MOCS1: variants seen among roughly 807,000 people sequenced by gnomAD.
MOCS1 encodes the protein molybdenum cofactor biosynthesis protein 1.
In MOCS1, 39 loss-of-function variants were observed where a neutral mutation model predicts 57.6. The observed-to-expected ratio is 0.68, with a 90% CI of 0.52 to 0.88. MOCS1 has a LOEUF of 0.88. Ranked by LOEUF, MOCS1 falls within the 40% of genes least tolerant of loss-of-function variation. The pLI is 0.00. For synonymous variants in MOCS1, 334 were observed against 335.7 expected (o/e 1.00, Z 0.05); for missense variants, 795 against 831.1 (o/e 0.96, Z 0.53).
intron 1 of MOCS1, 142 bp downstream of exon 1, chr6:39,934,153 A>G: frequency 8.5e-7 from 1 of 1,177,044 alleles, no homozygotes. Context: ...CCATCTGGAG[A>G]ACATCGCTCC....
At position 39,905,962 on chromosome 6, in the gene MOCS1, A is replaced by G. The variant is rs902864263; in HGVS notation, c.*395T>C. On this transcript the variant is annotated 3_prime_UTR_variant, in exon 11 of 11. Coordinates refer to ENST00000340692, the MANE Select transcript of MOCS1 (RefSeq NM_001358530.2). ...GGCTCCTCTGCTTAATGAGCGCTTA[A>G]TCTCTCCCCAGGAAAGCAGGAGAAG... The G allele has an allele frequency of 2.6e-5, 12 of 462,602 alleles. No individual in the cohort carries two copies. In the Admixed American group the frequency reaches 2.6e-4, roughly 10 times the overall value. The allele number at this position is 462,602 out of a possible 1,614,324, so 28.7% of individuals were successfully genotyped here.
intron 3 of MOCS1, among the ~76,000 whole-genome samples, chr6:39,921,397 TAA>T (rs34259460): frequency 6.4e-4 from 93 of 146,096 alleles, no homozygotes; most frequent in African/African-American, 2.0e-3. Context: ...AGACTACGTC[TAA>T]AAAAAAAAAA....
In MOCS1 at chr6:39,906,158, A is replaced by G. The variant is rs1166483964; in HGVS notation, c.*199T>C. ...TTAAGGGCCTGCTGGTATCCTCCCT[A>G]TAGAAAGGAAGCCCCATTGGTCATT... On this transcript the variant is annotated 3_prime_UTR_variant, in exon 11 of 11. Coordinates refer to ENST00000340692, the MANE Select transcript of MOCS1 (RefSeq NM_001358530.2). 2 of 745,334 alleles carry G rather than the reference A, an allele frequency of 2.7e-6. No homozygotes were observed. Among genetic ancestry groups the G allele is most frequent in the Non-Finnish European group, 4.7e-6 (2 of 422,024 alleles). The allele number at this position is 745,334 out of a possible 1,614,324, so 46.2% of individuals were successfully genotyped here. A position where few individuals can be genotyped will look rare whatever the true frequency, so the allele number is the denominator to read the frequency against.
In MOCS1 at chr6:39,934,403, T is replaced by C. The variant is rs2149429559; in HGVS notation, c.15A>G (p.Pro5=). 1 of 1,563,968 alleles carries C rather than the reference T, an allele frequency of 6.4e-7. No individual in the cohort carries two copies. Among genetic ancestry groups the C allele is most frequent in the Non-Finnish European group, 8.6e-7 (1 of 1,160,046 alleles). The change falls in exon 1 of 11, where the codon CCA becomes CCG. Residue 5 remains proline, a synonymous_variant. Transcript: ENST00000340692. MAAR[P]LSRMLRRLLR... is the part of the protein sequence containing the mutation. ...GAAGCCGCCGCAGCATCCGGGACAG[T>C]GGCCGCGCCGCCATGAAGCCTGATA...
At chr6:39,916,521 A>G (rs1160333407) in intron 3 of MOCS1, among the ~76,000 whole-genome samples, 2 of 152,244 alleles carry the variant, frequency 1.3e-5, no homozygotes, top group African/African-American at 4.8e-5. Context: ...GTAGGTAAGG[A>G]AAGAGGTGCT....
Position 39,906,814 on chromosome 6 carries a change from A to G in MOCS1, c.1454T>C (p.Val485Ala). Residue 485 changes from valine (V) to alanine (A), a missense_variant, in exon 11 of 11, where the codon GTG (valine) becomes GCG (alanine). Val to Ala is a moderately conservative substitution (Grantham distance 64). This residue lies in a region of MOCS1 where 374 missense variants were observed against 422.6 expected (regional missense o/e 0.89). Coordinates refer to ENST00000340692, the MANE Select transcript of MOCS1 (RefSeq NM_001358530.2). ...CATAGCTGCCCGTCCTTCCGAGTCC[A>G]CATGAGTTAGTTGTTCTGAGGTTAG... Reference protein sequence around the residue: ...PQLTSEQLTHVDSEGRAAMVD... With the variant: ...PQLTSEQLTHADSEGRAAMVD... The G allele has an allele frequency of 6.2e-7, 1 of 1,614,210 alleles. No homozygotes were observed. The highest frequency in any genetic ancestry group is 8.5e-7 in the Non-Finnish European group (1 of 1,180,028).
intron 2 of MOCS1, among the ~76,000 whole-genome samples, chr6:39,926,695 C>T (rs1470560273): frequency 5.4e-4 from 3 of 5,588 alleles, no homozygotes; most frequent in African/African-American, 8.9e-4. Context: ...TATTTCTTAT[C>T]GTGAGGTATA....
At chr6:39,926,896 G>A (rs1472167717) in intron 2 of MOCS1, among the ~76,000 whole-genome samples, 1 of 150,616 alleles carries the variant, frequency 6.6e-6, no homozygotes, top group African/African-American at 2.5e-5. Context: ...CCTAGCCCCA[G>A]CTGATTTGTC....
rs976178071 is a variant in MOCS1 at position 39,913,359 on chromosome 6, G to C, written c.715C>G (p.Leu239Val). Residue 239 changes from leucine to valine, a missense_variant, in exon 6 of 11, where the codon CTC (leucine) becomes GTC (valine). Physicochemically the swap from Leu to Val is conservative, Grantham distance 32. Transcript: ENST00000340692. ...LLDFAALTEG[L>V]PLDVRFIEYM... Reference sequence around the variant, plus strand: ...TCTATGAAGCGCACATCCAGGGGGAGGCCCTCAGTCAAGGCCGCAAAGTCC... The same window carrying C: ...TCTATGAAGCGCACATCCAGGGGGACGCCCTCAGTCAAGGCCGCAAAGTCC... 6.2e-7 allele frequency: 1 copy of C among 1,614,192 alleles called. No homozygotes were observed. Among genetic ancestry groups the C allele is most frequent in the Admixed American group, 1.7e-5 (1 of 60,032 alleles).
intron 1 of MOCS1, among the ~76,000 whole-genome samples, chr6:39,928,326 G>A (rs1001761158): frequency 4.6e-5 from 7 of 152,062 alleles, no homozygotes; most frequent in African/African-American, 9.7e-5. Flanking sequence ...CACTGCACCC[G>A]GCTAATTTTT....
chr6:39,907,382 C>G (rs1767029200), intron 10 of MOCS1, among the ~76,000 whole-genome samples: 1 of 152,074 alleles, frequency 6.6e-6, no homozygotes, highest in Admixed American at 6.5e-5. Context: ...CACCGTGGCA[C>G]AGGGTTCCCT....
intron 4 of MOCS1, among the ~76,000 whole-genome samples, chr6:39,915,578 G>A (rs1400276142): frequency 2.0e-5 from 3 of 152,264 alleles, no homozygotes; most frequent in East Asian, 3.9e-4. Context: ...GGGTATGGCT[G>A]TGCCTGTAGT....
chr6:39,929,520 A>T (rs1022067789), intron 1 of MOCS1, among the ~76,000 whole-genome samples: 2 of 152,084 alleles, frequency 1.3e-5, no homozygotes, highest in African/African-American at 4.8e-5. Flanking sequence ...CAGTCTTGAC[A>T]TGATGGGGGG....
intron 4 of MOCS1, 83 bp from the exon 5 acceptor site, chr6:39,913,918 T>G (rs967405147): frequency 7.1e-7 from 1 of 1,399,550 alleles, no homozygotes; most frequent in Non-Finnish European, 1.0e-6. Flanking sequence ...CCAGAGCCCA[T>G]CTAGTCTGGA....
chr6:39,912,508 G>A, intron 7 of MOCS1, 134 bp from the exon 8 acceptor site: 2 of 715,292 alleles, frequency 2.8e-6, no homozygotes, highest in Non-Finnish European at 5.1e-6. Flanking sequence ...TCCACCCAAG[G>A]CCCTCAGGTG....
intron 3 of MOCS1, among the ~76,000 whole-genome samples, chr6:39,922,081 C>T (rs1319077567): frequency 3.3e-5 from 5 of 152,242 alleles, no homozygotes; most frequent in Admixed American, 2.6e-4. Context: ...TCTCACAGTA[C>T]TTGTGCGCTT....
Position 39,905,728 on chromosome 6 carries a change from G to C in MOCS1, c.*629C>G. The C allele has an allele frequency of 4.2e-6, 2 of 471,196 alleles. No individual in the cohort carries two copies. The highest frequency in any genetic ancestry group is 8.8e-6 in the Non-Finnish European group (2 of 227,068). 29.2% of individuals were successfully genotyped at this position (471,196 alleles called of 1,614,324 possible). On this transcript the variant is annotated 3_prime_UTR_variant, in exon 11 of 11. Transcript: ENST00000340692. ...ATCCTGTTTCAGAAGAGGGGGGCCAGAGGAAAAGGGGCCAGCAGGACCGGG... is the reference window on the plus strand; with the variant it reads ...ATCCTGTTTCAGAAGAGGGGGGCCACAGGAAAAGGGGCCAGCAGGACCGGG...
intron 1 of MOCS1, among the ~76,000 whole-genome samples, chr6:39,930,434 T>G (rs1331865344): frequency 6.6e-6 from 1 of 152,158 alleles, no homozygotes; most frequent in Admixed American, 6.5e-5. Flanking sequence ...GTATCCCCAG[T>G]GTCTAGCACA....
At position 39,934,440 on chromosome 6, in the gene MOCS1, G is replaced by T. The variant is rs527245888; in HGVS notation, c.-23C>A. ...CATGAAGCCTGATACGAGCGGAACC[G>T]CAGCCCGCTTCGGGAGCACACTGGC... On this transcript the variant is annotated 5_prime_UTR_variant, in exon 1 of 11. Transcript: ENST00000340692. 42 of 1,561,462 alleles carry T rather than the reference G, an allele frequency of 2.7e-5. No individual in the cohort carries two copies. Among genetic ancestry groups the T allele is most frequent in the Middle Eastern group, 2.1e-4 (1 of 4,742 alleles).
Sources: allele counts gnomAD v4.1 joint callset (sites outside exome capture counted in the v4.1 genomes callset), GRCh38; gene constraint gnomAD v4.1.1; regional missense constraint gnomAD v4.1.1; transcripts MANE v1.5; gene names NCBI Gene and HGNC (gene_info 2026-07-23, HGNC 2026-07-21).